The following SEL1L3 variants were observed in gnomAD, a reference collection of about 807,000 sequenced individuals.
SEL1L3 encodes SEL1L family member 3.
SEL1L3 carries 76 observed loss-of-function variants against 142.8 expected under a neutral mutation model. That is an observed-to-expected ratio of 0.53 (90% confidence interval 0.44 to 0.64). The LOEUF is 0.64. Ranked by LOEUF, SEL1L3 falls within the 30% of genes least tolerant of loss-of-function variation. The pLI is 0.00. For missense variants in SEL1L3, 1,262 were observed against 1,381.7 expected (o/e 0.91, Z 1.37); for synonymous variants, 504 against 519.6 (o/e 0.97, Z 0.41).
chr4:25,745,825 C>G (rs759951132), downstream of SEL1L3, among the ~76,000 whole-genome samples: 2 of 152,252 alleles, frequency 1.3e-5, no homozygotes, highest in Non-Finnish European at 2.9e-5. Context: ...ATCCCAGCAG[C>G]TTAGGGCAAT....
intron 1 of SEL1L3, chr4:25,860,497 C>G (rs1717627047): frequency 6.6e-6 from 1 of 152,304 alleles, no homozygotes; most frequent in South Asian, 2.1e-4. Flanking sequence ...CAAGCTTCTC[C>G]AAGATCAAGA....
intron 2 of SEL1L3, among the ~76,000 whole-genome samples, chr4:25,837,660 T>C (rs1463669135): frequency 1.3e-5 from 2 of 152,148 alleles, no homozygotes; most frequent in African/African-American, 4.8e-5. Context: ...CTAGTGCAGT[T>C]TGCCCTCAGT....
rs1024868169 is a variant in SEL1L3 at position 25,830,218 on chromosome 4, T to C, written c.1099-62A>G. On this transcript the variant is annotated intron_variant, in intron 5 of 23. Coordinates refer to ENST00000399878, the MANE Select transcript of SEL1L3 (RefSeq NM_015187.5). ...TCATCACCCTACATTACCTATGCAG[T>C]CCTTTGTGTAAATTACTCATGATAT... 9 of 1,047,964 alleles carry C rather than the reference T, an allele frequency of 8.6e-6. No individual in the cohort carries two copies. In the African/African-American group the frequency reaches 1.4e-4, roughly 16 times the overall value. The allele number at this position is 1,047,964 out of a possible 1,614,324, so 64.9% of individuals were successfully genotyped here. A position where few individuals can be genotyped will look rare whatever the true frequency, so the allele number is the denominator to read the frequency against.
intron 20 of SEL1L3, among the ~76,000 whole-genome samples, chr4:25,761,472 A>G (rs1718374796): frequency 6.6e-6 from 1 of 152,166 alleles, no homozygotes; most frequent in Non-Finnish European, 1.5e-5. Flanking sequence ...ATGAAATTTT[A>G]AAGTCTCTAA....
chr4:25,722,263 A>G, the SEL1L3 span, among the ~76,000 whole-genome samples: 4 of 152,204 alleles, frequency 2.6e-5, no homozygotes, highest in Non-Finnish European at 4.4e-5. Context: ...CTCTGATGAT[A>G]AGAGTCTCTC....
chr4:25,765,222 G>C, intron 20 of SEL1L3, 104 bp downstream of exon 20: 1 of 747,396 alleles, frequency 1.3e-6, no homozygotes, highest in South Asian at 1.5e-5. Context: ...CCGAATTCCT[G>C]ACCTCAAGTG....
chr4:25,841,540 A>G (rs1716166079), intron 2 of SEL1L3, among the ~76,000 whole-genome samples: 1 of 152,254 alleles, frequency 6.6e-6, no homozygotes, highest in Non-Finnish European at 1.5e-5. Context: ...TTTGGGAACC[A>G]AACTATCCAG....
the SEL1L3 span, among the ~76,000 whole-genome samples, chr4:25,739,350 C>A: frequency 6.6e-6 from 1 of 152,154 alleles, no homozygotes; most frequent in East Asian, 1.9e-4. Context: ...GTACACACAG[C>A]TTCTCACAAC....
intron 11 of SEL1L3, among the ~76,000 whole-genome samples, chr4:25,800,072 C>T (rs931743335): frequency 2.0e-5 from 3 of 152,188 alleles, no homozygotes; most frequent in African/African-American, 4.8e-5. Context: ...ATAAAGAAAG[C>T]GATGTGAAGG....
intron 1 of SEL1L3, among the ~76,000 whole-genome samples, chr4:25,859,505 C>T (rs1717540361): frequency 6.6e-6 from 1 of 152,322 alleles, no homozygotes; most frequent in Admixed American, 6.5e-5. Flanking sequence ...AAGGCACCCA[C>T]TCCTCAGGAC....
At chr4:25,721,057 G>T in the SEL1L3 span, 4 of 152,104 alleles carry the variant, frequency 2.6e-5, no homozygotes, top group Non-Finnish European at 5.9e-5. Flanking sequence ...CATATTGGAG[G>T]TTGCAAATTA....
At chr4:25,824,705 G>A (rs1054423012) in intron 6 of SEL1L3, among the ~76,000 whole-genome samples, 11 of 152,258 alleles carry the variant, frequency 7.2e-5, no homozygotes, top group Non-Finnish European at 1.5e-4. Flanking sequence ...GAGGTGGGGG[G>A]ATCACTTGAG....
At chr4:25,739,276 T>A in the SEL1L3 span, among the ~76,000 whole-genome samples, 1 of 152,058 alleles carries the variant, frequency 6.6e-6, no homozygotes, top group Non-Finnish European at 1.5e-5. Context: ...TTGTCACAAC[T>A]GAGTGGGTGC....
At chr4:25,779,552 C>T (rs151097910) in intron 15 of SEL1L3, among the ~76,000 whole-genome samples, 20 of 152,312 alleles carry the variant, frequency 1.3e-4, no homozygotes, top group African/African-American at 4.8e-4. Context: ...ATTTGCTTTC[C>T]TAACCCTGCT....
intron 1 of SEL1L3, among the ~76,000 whole-genome samples, chr4:25,858,551 GTTTTGT>G (rs1717425681): frequency 6.6e-6 from 1 of 151,754 alleles, no homozygotes; most frequent in Non-Finnish European, 1.5e-5. Flanking sequence ...TGTTGTTGTT[GTTTTGT>G]TTTTGTTTTT....
chr4:25,724,055 C>G, the SEL1L3 span, among the ~76,000 whole-genome samples: 1 of 152,136 alleles, frequency 6.6e-6, no homozygotes, highest in African/African-American at 2.4e-5. Context: ...CCGGTAGGGC[C>G]CCAGAGAGTC....
chr4:25,787,691 T>A (rs4697621), intron 13 of SEL1L3, among the ~76,000 whole-genome samples: 1 of 151,970 alleles, frequency 6.6e-6, no homozygotes, highest in Non-Finnish European at 1.5e-5. Flanking sequence ...CTCACTCAAT[T>A]TGTGGTCATT....
At chr4:25,750,539 A>C (rs1344272586) in intron 23 of SEL1L3, among the ~76,000 whole-genome samples, 3 of 152,194 alleles carry the variant, frequency 2.0e-5, no homozygotes, top group African/African-American at 7.2e-5. Flanking sequence ...GTATGCTATA[A>C]GTAAGATCAT....
chr4:25,808,994 A>C (rs1713826033), intron 9 of SEL1L3, among the ~76,000 whole-genome samples: 1 of 144,144 alleles, frequency 6.9e-6, no homozygotes, highest in Admixed American at 7.0e-5. Flanking sequence ...AATGGCGTGA[A>C]CCCGGGAGGC....
Sources: allele counts gnomAD v4.1 joint callset (sites outside exome capture counted in the v4.1 genomes callset), GRCh38; gene constraint gnomAD v4.1.1; transcripts MANE v1.5; gene names NCBI Gene and HGNC (gene_info 2026-07-23, HGNC 2026-07-21).